The following EPS15 variants were observed in gnomAD, a reference collection of about 807,000 sequenced individuals.
EPS15 encodes epidermal growth factor receptor substrate 15.
EPS15 carries 72 observed loss-of-function variants against 113.8 expected under a neutral mutation model. The ratio of observed to expected loss-of-function variants is 0.63; its 90% CI spans 0.52 to 0.77. The LOEUF (loss-of-function observed/expected upper bound fraction) is 0.77, where lower values mean the gene tolerates loss of function less well. Ranked by LOEUF, EPS15 falls within the 30% of genes least tolerant of loss-of-function variation. EPS15 has a pLI of 0.00. For missense variants in EPS15, 1,048 were observed against 1,045.8 expected (o/e 1.00, Z -0.03); for synonymous variants, 344 against 363.4 (o/e 0.95, Z 0.61).
intron 2 of EPS15, among the ~76,000 whole-genome samples, chr1:51,479,390 G>A (rs1253869665): frequency 6.6e-6 from 1 of 152,132 alleles, no homozygotes. Flanking sequence ...TCTTTGCAAT[G>A]GGTTCGAACA....
At chr1:51,516,569 T>C (rs889979129) in intron 1 of EPS15, among the ~76,000 whole-genome samples, 8 of 151,824 alleles carry the variant, frequency 5.3e-5, no homozygotes, top group Admixed American at 4.6e-4. Context: ...GGCTGGGGAG[T>C]TGAAGGGTTG....
chr1:51,396,620 C>T (rs1647969729), intron 20 of EPS15, among the ~76,000 whole-genome samples: 1 of 152,088 alleles, frequency 6.6e-6, no homozygotes, highest in Non-Finnish European at 1.5e-5. Context: ...GGCATAACCA[C>T]ATGTGTGTCA....
intron 21 of EPS15, chr1:51,372,135 T>TA (rs1204851190): frequency 2.7e-5 from 10 of 369,546 alleles, no homozygotes; most frequent in African/African-American, 2.1e-4. Context: ...TGACTATACA[T>TA]AAATTCATAC....
intron 1 of EPS15, among the ~76,000 whole-genome samples, chr1:51,508,342 A>G (rs867319241): frequency 9.6e-4 from 99 of 102,798 alleles, no homozygotes; most frequent in African/African-American, 3.2e-3. Context: ...GAAAGAGAGA[A>G]AGAAAGAAAG....
chr1:51,416,167 G>A (rs1650206010), intron 13 of EPS15, among the ~76,000 whole-genome samples: 1 of 152,072 alleles, frequency 6.6e-6, no homozygotes, highest in Non-Finnish European at 1.5e-5. Context: ...AGTGTCTTCT[G>A]CTGAACTTGG....
intron 21 of EPS15, among the ~76,000 whole-genome samples, chr1:51,368,245 G>A (rs1456131535): frequency 6.6e-6 from 1 of 152,242 alleles, no homozygotes; most frequent in East Asian, 1.9e-4. Flanking sequence ...CTCTAAAAAT[G>A]AGTATATCTT....
intron 20 of EPS15, among the ~76,000 whole-genome samples, chr1:51,397,501 T>C (rs1648066372): frequency 6.6e-6 from 1 of 152,156 alleles, no homozygotes; most frequent in Admixed American, 6.5e-5. Flanking sequence ...GATAGGAGAA[T>C]GAGAGGCTAG....
chr1:51,381,567 T>A (rs1268884708), intron 21 of EPS15, among the ~76,000 whole-genome samples: 8 of 152,266 alleles, frequency 5.3e-5, no homozygotes, highest in Admixed American at 5.2e-4. Context: ...CACCCCAGCC[T>A]GGGTGGCAGA....
chr1:51,382,862 G>A (rs1339223561), intron 21 of EPS15, among the ~76,000 whole-genome samples: 1 of 152,178 alleles, frequency 6.6e-6, no homozygotes, highest in Non-Finnish European at 1.5e-5. Context: ...AAATTGAAGA[G>A]GCAGGAACAA....
intron 1 of EPS15, among the ~76,000 whole-genome samples, chr1:51,514,804 A>C (rs1431756880): frequency 6.6e-6 from 1 of 152,208 alleles, no homozygotes; most frequent in African/African-American, 2.4e-5. Flanking sequence ...ATTTCAAGCC[A>C]TCTTTGAGAA....
At chr1:51,378,992 C>A (rs1049294106) in intron 21 of EPS15, among the ~76,000 whole-genome samples, 5 of 152,140 alleles carry the variant, frequency 3.3e-5, no homozygotes, top group African/African-American at 4.8e-5. Context: ...ACAAACTCCA[C>A]GTAGGATAAA....
At chr1:51,448,232 T>A (rs1370078811) in intron 8 of EPS15, 97 bp from the exon 9 acceptor site, 1 of 652,974 alleles carries the variant, frequency 1.5e-6, no homozygotes, top group Non-Finnish European at 2.5e-6. Flanking sequence ...CGTCAGGCTC[T>A]CAAATCCTTT....
intron 4 of EPS15, among the ~76,000 whole-genome samples, chr1:51,469,135 C>CA (rs1655066420): frequency 6.6e-6 from 1 of 150,960 alleles, no homozygotes; most frequent in Non-Finnish European, 1.5e-5. Flanking sequence ...CTCAAAAAAA[C>CA]AGACAAACCA....
intron 12 of EPS15, among the ~76,000 whole-genome samples, chr1:51,430,942 G>A (rs1404267096): frequency 2.0e-5 from 3 of 150,048 alleles, no homozygotes; most frequent in Non-Finnish European, 4.4e-5. Context: ...CTGGGCAGCA[G>A]AGCCTGACCC....
intron 13 of EPS15, among the ~76,000 whole-genome samples, chr1:51,412,558 C>T (rs1014579065): frequency 6.6e-6 from 1 of 152,114 alleles, no homozygotes; most frequent in African/African-American, 2.4e-5. Flanking sequence ...CTGGTGAACT[C>T]CTTTAGTACT....
At chr1:51,439,230 C>A (rs1422937158) in intron 12 of EPS15, among the ~76,000 whole-genome samples, 1 of 152,072 alleles carries the variant, frequency 6.6e-6, no homozygotes, top group Non-Finnish European at 1.5e-5. Context: ...CCAGCCCTAC[C>A]TCTGAAAGGT....
At chr1:51,360,538 C>T (rs72694128) in intron 24 of EPS15, among the ~76,000 whole-genome samples, 3,340 of 152,154 alleles carry the variant, frequency 0.022, 31 homozygotes, top group Middle Eastern at 0.034. Context: ...TCTGAAAGAA[C>T]GCAGAGTAAA....
chr1:51,398,122 C>T (rs57275263), intron 20 of EPS15, among the ~76,000 whole-genome samples: 7,986 of 150,908 alleles, frequency 0.053, 672 homozygotes, highest in African/African-American at 0.18. Flanking sequence ...GGCGCGATCT[C>T]GGCTCACTGC....
At position 51,376,927 on chromosome 1, in the gene EPS15, G is replaced by A. The variant is rs146815096; in HGVS notation, c.2120-10898C>T. Among the ~76,000 whole-genome samples the A allele has an allele frequency of 4.9e-3, 742 of 152,250 alleles. 4 individuals carry two copies. The highest frequency in any genetic ancestry group is 0.017 in the African/African-American group (699 of 41,538). On this transcript the variant is annotated intron_variant, in intron 21 of 24. Transcript: ENST00000371733. Reference sequence around the variant, plus strand: ...CTGATGGATTTGGGCAAAGTACACTGAAAACCTCCTGGGAAGGATTCACCA... The same window carrying A: ...CTGATGGATTTGGGCAAAGTACACTAAAAACCTCCTGGGAAGGATTCACCA...
Sources: gnomAD v4.1 joint callset for allele counts (sites outside exome capture counted in the v4.1 genomes callset) on GRCh38, gnomAD v4.1.1 for gene constraint, MANE v1.5 for transcripts, NCBI Gene and HGNC (gene_info 2026-07-23, HGNC 2026-07-21) for gene names.